TTC3: variants seen among roughly 807,000 people sequenced by gnomAD.
TTC3 encodes tetratricopeptide repeat domain 3.
In TTC3, 180 loss-of-function variants were observed where a neutral mutation model predicts 249.6. The ratio of observed to expected loss-of-function variants is 0.72; its 90% confidence interval spans 0.64 to 0.82. TTC3 has a LOEUF of 0.82. Ranked by LOEUF, TTC3 falls within the 40% of genes least tolerant of loss-of-function variation. The probability of loss-of-function intolerance (pLI) is 0.00; values close to 1 mark genes in which losing one functional copy is unlikely to be tolerated. For synonymous variants in TTC3, 717 were observed against 805.0 expected, an observed-to-expected ratio of 0.89 and a Z score of 1.85; for missense variants, 2,061 against 2,398.4, an observed-to-expected ratio of 0.86 and a Z score of 2.94.
chr21:37,140,775 T>A, intron 20 of TTC3, 102 bp downstream of exon 20: 1 of 682,926 alleles, frequency 1.5e-6, no homozygotes, highest in Non-Finnish European at 2.3e-6. Context: ...ATCTCCTCTG[T>A]AGCACACTAT....
chr21:37,190,130 C>CTTTTTTTTTTTTTTTTTTTTT (rs138862573), intron 39 of TTC3, among the ~76,000 whole-genome samples: 1 of 65,024 alleles, frequency 1.5e-5, no homozygotes, highest in Non-Finnish European at 2.8e-5. Flanking sequence ...CTTTTTCTTT[C>CTTTTTTTTTTTTTTTTTTTTT]TTTTTTTTTT....
At chr21:37,174,901 A>G (rs73905418) in intron 35 of TTC3, among the ~76,000 whole-genome samples, 3,169 of 152,254 alleles carry the variant, frequency 0.021, 106 homozygotes, top group African/African-American at 0.072. Flanking sequence ...GAACTGTCCC[A>G]CCCAAAATTC....
intron 7 of TTC3, 155 bp downstream of exon 7, chr21:37,091,568 ATTATTTATTTAT>A (rs56149628): frequency 7.9e-5 from 15 of 190,946 alleles, no homozygotes; most frequent in African/African-American, 2.7e-4. Context: ...TCTTTTTTTT[ATTATTTATTTAT>A]TTATTTATTT....
At chr21:37,090,956 A>G (rs2073186789) in intron 6 of TTC3, among the ~76,000 whole-genome samples, 1 of 151,646 alleles carries the variant, frequency 6.6e-6, no homozygotes, top group Non-Finnish European at 1.5e-5. Context: ...GAGAACCCTC[A>G]TCCACCTTGT....
intron 1 of TTC3, among the ~76,000 whole-genome samples, chr21:37,081,109 C>CTTTTTT (rs58809719): frequency 1.7e-5 from 1 of 58,190 alleles, no homozygotes; most frequent in African/African-American, 6.9e-5. Context: ...TTATTTATGC[C>CTTTTTT]TTTTTTTTTT....
chr21:37,182,445 C>A (rs1421472038), intron 35 of TTC3, among the ~76,000 whole-genome samples: 2 of 152,226 alleles, frequency 1.3e-5, no homozygotes, highest in Non-Finnish European at 2.9e-5. Context: ...GCCTTGCCAA[C>A]TAAAACATGC....
chr21:37,085,530 A>T (rs2072339042), intron 1 of TTC3, among the ~76,000 whole-genome samples: 1 of 152,206 alleles, frequency 6.6e-6, no homozygotes, highest in Middle Eastern at 3.2e-3. Context: ...AAGTTGAAGA[A>T]TGGCTGTGGT....
chr21:37,179,577 A>G (rs939663726), intron 35 of TTC3, among the ~76,000 whole-genome samples: 2 of 152,162 alleles, frequency 1.3e-5, no homozygotes, highest in African/African-American at 4.8e-5. Context: ...TCTGTGATCC[A>G]TTTCACATTA....
intron 20 of TTC3, 56 bp downstream of exon 20, chr21:37,140,729 A>G (rs913833834): frequency 2.6e-6 from 3 of 1,173,252 alleles, no homozygotes; most frequent in African/African-American, 1.6e-5. Flanking sequence ...TTAAAATCCA[A>G]TGTGATAATG....
chr21:37,115,334 A>G (rs2076051468), intron 11 of TTC3, among the ~76,000 whole-genome samples: 1 of 152,108 alleles, frequency 6.6e-6, no homozygotes, highest in Middle Eastern at 3.2e-3. Flanking sequence ...ACAATGTCAT[A>G]TTGTCTGAGT....
At chr21:37,160,813 C>A (rs987116063) in exon 30 of TTC3, 3 of 1,612,174 alleles carry the variant, frequency 1.9e-6, no homozygotes, top group South Asian at 1.1e-5. Context: ...TTAGTTCAAC[C>A]AAGGTGAAAA....
At chr21:37,100,596 GTT>G (rs1568913743) in intron 10 of TTC3, among the ~76,000 whole-genome samples, 1 of 152,140 alleles carries the variant, frequency 6.6e-6, no homozygotes, top group African/African-American at 2.4e-5. Context: ...GTGAATATAA[GTT>G]AGGCCAAGAG....
At chr21:37,148,470 C>G (rs1011294115) in intron 22 of TTC3, 76 bp from the exon 23 acceptor site, 1 of 657,476 alleles carries the variant, frequency 1.5e-6, no homozygotes, top group Non-Finnish European at 2.5e-6. Flanking sequence ...CTCTCTCTGT[C>G]TTTATGTATG....
At chr21:37,105,199 A>G (rs911018521) in intron 10 of TTC3, among the ~76,000 whole-genome samples, 1 of 152,180 alleles carries the variant, frequency 6.6e-6, no homozygotes, top group Admixed American at 6.5e-5. Flanking sequence ...GGGAAGCTTG[A>G]AACATGCCAA....
Position 37,182,917 on chromosome 21 carries a change from A to T in TTC3, c.4757+4A>T. 1 of 1,552,790 alleles carries T rather than the reference A, an allele frequency of 6.4e-7. No homozygotes were observed. The highest frequency in any genetic ancestry group is 8.6e-7 in the Non-Finnish European group (1 of 1,156,930). On this transcript the variant is annotated splice_donor_region_variant and intron_variant, in intron 36 of 45. Coordinates refer to ENST00000355666, the Ensembl canonical transcript of TTC3. ...AGGTTTCAAATGCCAGTGAAATGTAAGTAATGATTGAAAGGCAGTAATTTT... is the reference window on the plus strand; with the variant it reads ...AGGTTTCAAATGCCAGTGAAATGTATGTAATGATTGAAAGGCAGTAATTTT...
intron 8 of TTC3, among the ~76,000 whole-genome samples, chr21:37,094,533 A>G (rs770580668): frequency 9.9e-5 from 15 of 152,234 alleles, no homozygotes; most frequent in Non-Finnish European, 1.5e-4. Context: ...AGCACCTTTC[A>G]TATATATTCT....
Position 37,094,110 on chromosome 21 carries a change from A to G in TTC3, c.687+20A>G, listed in dbSNP as rs781373986. ...ATAGAGGTGAGAATGAATATTATAAATATATTTTAAGATTTGCCCATTAGA... is the reference window on the plus strand; with the variant it reads ...ATAGAGGTGAGAATGAATATTATAAGTATATTTTAAGATTTGCCCATTAGA... On this transcript the variant is annotated intron_variant, in intron 8 of 45. Transcript: ENST00000355666. 57 of 1,455,618 alleles carry G rather than the reference A, an allele frequency of 3.9e-5. 1 individual carries two copies. In the South Asian group the frequency reaches 7.3e-4, roughly 19 times the overall value. The allele number at this position is 1,455,618 out of a possible 1,614,324, so 90.2% of individuals were successfully genotyped here. A position where few individuals can be genotyped will look rare whatever the true frequency, so the allele number is the denominator to read the frequency against.
At chr21:37,084,533 G>A (rs1020079339) in intron 1 of TTC3, among the ~76,000 whole-genome samples, 4 of 152,068 alleles carry the variant, frequency 2.6e-5, no homozygotes, top group African/African-American at 9.7e-5. Context: ...AGGTAGTATC[G>A]TTATCCCCAT....
intron 35 of TTC3, among the ~76,000 whole-genome samples, chr21:37,181,900 A>G (rs927788442): frequency 1.3e-5 from 2 of 152,176 alleles, no homozygotes; most frequent in African/African-American, 2.4e-5. Context: ...AAGCCTAAGC[A>G]GGAAGTTCAG....
Sources: allele counts gnomAD v4.1 joint callset (sites outside exome capture counted in the v4.1 genomes callset), GRCh38; gene constraint gnomAD v4.1.1; transcripts MANE v1.5; gene names NCBI Gene and HGNC (gene_info 2026-07-23, HGNC 2026-07-21).